The following COL3A1 variants were observed in gnomAD, a reference collection of about 807,000 sequenced individuals.
COL3A1 encodes the protein collagen type III alpha 1 chain, also known as collagen alpha-1(III) chain.
Under a neutral mutation model 200.9 loss-of-function variants are expected in COL3A1, and 46 were observed. That is an observed-to-expected ratio of 0.23 (90% CI 0.18 to 0.29). COL3A1 has a LOEUF of 0.29. COL3A1 is among the 10% of genes least tolerant of loss of function. The pLI, the probability that COL3A1 is intolerant of heterozygous loss-of-function variation, is 1.00. For synonymous variants in COL3A1, 650 were observed against 628.0 expected, an observed-to-expected ratio of 1.03 and a Z score of -0.52; for missense variants, 1,367 against 1,917.6, an observed-to-expected ratio of 0.71 and a Z score of 5.36.
At chr2:188,983,076 A>G (rs891319065) in intron 1 of COL3A1, among the ~76,000 whole-genome samples, 2 of 151,968 alleles carry the variant, frequency 1.3e-5, no homozygotes. Flanking sequence ...GCATTTTGGT[A>G]TTCAGCTTTT....
rs1687866506 is a variant in COL3A1 at position 188,978,197 on chromosome 2, CA to C, written c.79+3630del. The C allele has an allele frequency of 1.6e-5, 3 of 187,254 alleles. No homozygotes were observed. In the South Asian group the frequency reaches 3.0e-4, roughly 19 times the overall value. The allele number at this position is 187,254 out of a possible 1,614,324, so 11.6% of individuals were successfully genotyped here. A position where few individuals can be genotyped will look rare whatever the true frequency, so the allele number is the denominator to read the frequency against. ...TATTAAATTCTGGAATTAAACATTT[CA>C]GCATTACAAGAAAAGAAAGCAAATC... On this transcript the variant is annotated intron_variant, in intron 1 of 50. Transcript: ENST00000304636.
intron 1 of COL3A1, among the ~76,000 whole-genome samples, chr2:188,978,721 C>G (rs1687880494): frequency 6.9e-6 from 1 of 145,602 alleles, no homozygotes; most frequent in Non-Finnish European, 1.5e-5. Flanking sequence ...AAAGTTTTCC[C>G]TAAGATAAAA....
rs755274614 is a variant in COL3A1 at position 189,003,499 on chromosome 2, CATTA to C, written c.2607+39_2607+42del. 2.7e-5 allele frequency: 43 copies of C among 1,590,428 alleles called. No individual in the cohort carries two copies. In the South Asian group the frequency reaches 4.4e-4, roughly 16 times the overall value. ...GATCCTCTTAACTATTATTGAAAAG[CATTA>C]ATTGATATCAACCTGTATAAAAGCT... is the stretch of plus-strand genomic sequence containing the variant. On this transcript the variant is annotated intron_variant, in intron 37 of 50. Coordinates refer to ENST00000304636, the MANE Select transcript of COL3A1 (RefSeq NM_000090.4).
chr2:189,011,761 T>C lies in COL3A1; in HGVS notation c.4388T>C (p.Val1463Ala). The C allele has an allele frequency of 2.5e-6, 4 of 1,613,956 alleles. No homozygotes were observed. Among genetic ancestry groups the C allele is most frequent in the Non-Finnish European group, 3.4e-6 (4 of 1,179,854 alleles). The change falls in exon 51 of 51, where the codon GTT (valine) becomes GCT (alanine). Residue 1463 changes from valine to alanine, a missense_variant. Val to Ala is a moderately conservative substitution (Grantham distance 64). Around this residue, in one of 5 missense-constraint regions of COL3A1, gnomAD observed 846 missense variants for 1,147.9 expected, o/e 0.74. Transcript: ENST00000304636. ...DQEFGVDVGPVCFL is the reference protein window; with the variant it reads ...DQEFGVDVGPACFL Reference sequence around the variant, plus strand: ...GAATTTGGTGTGGACGTTGGCCCTGTTTGCTTTTTATAAACCAAACTCTAT... The same window carrying C: ...GAATTTGGTGTGGACGTTGGCCCTGCTTGCTTTTTATAAACCAAACTCTAT...
Position 189,008,974 on chromosome 2 carries a change from C to T in COL3A1, c.3576C>T (p.Ala1192=), listed in dbSNP as rs574331101. 39 of 1,614,008 alleles carry T rather than the reference C, an allele frequency of 2.4e-5. 1 individual carries two copies. The highest frequency in any genetic ancestry group is 3.1e-5 in the Non-Finnish European group (36 of 1,180,020). The change falls in exon 48 of 51, where the codon GCC becomes GCT. Residue 1192 remains alanine, a synonymous_variant. Coordinates refer to ENST00000304636, the MANE Select transcript of COL3A1 (RefSeq NM_000090.4). ...CAGGCCCTCCTGGACCTCCTGGTGC[C>T]CCTGGTCCTTGCTGTGGTGGTGTTG... ...GQPGPPGPPG[A]PGPCCGGVGA... is the part of the protein sequence containing the mutation.
chr2:188,994,512 G>A lies in COL3A1; in HGVS notation c.1294-29G>A, dbSNP rs777089460. The A allele has an allele frequency of 1.2e-6, 2 of 1,613,524 alleles. No individual in the cohort carries two copies. Among genetic ancestry groups the A allele is most frequent in the Non-Finnish European group, 1.7e-6 (2 of 1,179,492 alleles). On this transcript the variant is annotated intron_variant, in intron 18 of 50. Transcript: ENST00000304636. The surrounding 1 kb of genome is among the most constrained non-coding windows in gnomAD (Gnocchi z 4.5). Reference sequence around the variant, plus strand: ...GATTTGTTAGTCGAATCCTCCCTGTGTTTCAACCAAGACTTTGTTATACTT... The same window carrying A: ...GATTTGTTAGTCGAATCCTCCCTGTATTTCAACCAAGACTTTGTTATACTT...
Position 189,003,419 on chromosome 2 carries a change from T to C in COL3A1, c.2562T>C (p.Pro854=). The C allele has an allele frequency of 6.2e-7, 1 of 1,613,998 alleles. No individual in the cohort carries two copies. Among genetic ancestry groups the C allele is most frequent in the Non-Finnish European group, 8.5e-7 (1 of 1,179,902 alleles). Residue 854 remains proline (P), a synonymous_variant, in exon 37 of 51, where the codon CCT becomes CCC. Coordinates refer to ENST00000304636, the MANE Select transcript of COL3A1 (RefSeq NM_000090.4). The part of the protein sequence containing the change: ...PPGGSGPAGP[P]GPQGVKGERG... ...CCTTCCATTTCATATAGGGTCCTCC[T>C]GGTCCCCAAGGTGTCAAAGGTGAAC... is the stretch of plus-strand genomic sequence containing the variant.
intron 8 of COL3A1, among the ~76,000 whole-genome samples, chr2:188,989,680 C>A (rs763191944): frequency 6.6e-6 from 1 of 152,028 alleles, no homozygotes; most frequent in Non-Finnish European, 1.5e-5. Context: ...TTTTTGACTG[C>A]GGAGAAGACT....
At chr2:189,011,450 ATTGT>A (rs1688722242) in intron 50 of COL3A1, among the ~76,000 whole-genome samples, 174 bp from the exon 51 acceptor site, 1 of 152,214 alleles carries the variant, frequency 6.6e-6, no homozygotes, top group South Asian at 2.1e-4. Flanking sequence ...GTTTAAGAAT[ATTGT>A]TTATCAACTA....
rs2153502834 is a variant in COL3A1, at chr2:188,997,682, A to G, written c.1870-18A>G. 7 of 1,609,942 alleles carry G rather than the reference A, an allele frequency of 4.3e-6. No homozygotes were observed. Among genetic ancestry groups the G allele is most frequent in the East Asian group, 2.2e-5 (1 of 44,854 alleles). On this transcript the variant is annotated intron_variant, in intron 26 of 50. Coordinates refer to ENST00000304636, the MANE Select transcript of COL3A1 (RefSeq NM_000090.4). ...TAAAAGGATGTTTACAACAGAGTGT[A>G]TCATTATACTTTTCTAGGGGCCTGG...
At chr2:188,995,977 G>A in intron 22 of COL3A1, 148 bp from the exon 23 acceptor site, 1 of 903,510 alleles carries the variant, frequency 1.1e-6, no homozygotes, top group African/African-American at 1.7e-5. Context: ...TAGAACACTT[G>A]CCTTAGATAC....
intron 35 of COL3A1, 132 bp from the exon 36 acceptor site, chr2:189,002,823 G>A (rs1688496848): frequency 1.7e-5 from 13 of 757,144 alleles, no homozygotes; most frequent in Non-Finnish European, 2.8e-5. Flanking sequence ...CATGTCTTCA[G>A]AAAGCCTTGT....
intron 50 of COL3A1, among the ~76,000 whole-genome samples, chr2:189,011,400 T>C (rs1442207652): frequency 2.0e-5 from 3 of 152,204 alleles, no homozygotes; most frequent in Non-Finnish European, 4.4e-5. Flanking sequence ...TCTATAGCAA[T>C]TGCCCTGCTG....
At chr2:189,004,808 A>G (rs1350137159) in intron 40 of COL3A1, among the ~76,000 whole-genome samples, 2 of 152,212 alleles carry the variant, frequency 1.3e-5, no homozygotes, top group African/African-American at 4.8e-5. Flanking sequence ...AGTGCTTAGC[A>G]TCTAAAACAT....
intron 24 of COL3A1, 66 bp downstream of exon 24, chr2:188,996,562 TAA>T: frequency 1.5e-6 from 2 of 1,342,244 alleles, no homozygotes; most frequent in Non-Finnish European, 2.1e-6. Context: ...CCATATGGAG[TAA>T]AGAAATGGTC....
At position 188,994,354 on chromosome 2, in the gene COL3A1, C is replaced by T. The variant is rs182159384; in HGVS notation, c.1293+22C>T. ...TGCAGTAAGTTGCCTTGTTTTTTCT[C>T]TGTTGACTGAAAGGTATAGTTTAAT... is the stretch of plus-strand genomic sequence containing the variant. On this transcript the variant is annotated intron_variant, in intron 18 of 50. Transcript: ENST00000304636. The surrounding 1 kb of genome is among the most constrained non-coding windows in gnomAD (Gnocchi z 4.5). 1,301 of 1,612,502 alleles carry T rather than the reference C, an allele frequency of 8.1e-4. 2 individuals carry two copies. The highest frequency in any genetic ancestry group is 7.1e-3 in the African/African-American group (532 of 74,968).
intron 1 of COL3A1, among the ~76,000 whole-genome samples, chr2:188,982,628 C>T (rs192160090): frequency 3.2e-4 from 49 of 151,816 alleles, no homozygotes; most frequent in African/African-American, 1.2e-3. Flanking sequence ...ATGCCTGATC[C>T]AGAGGCAATG....
intron 4 of COL3A1, 32 bp from the exon 5 acceptor site, chr2:188,987,027 A>C (rs778696494): frequency 6.4e-7 from 1 of 1,566,828 alleles, no homozygotes; most frequent in East Asian, 2.2e-5. Flanking sequence ...TGTCTGTTAA[A>C]ATGATCATAT....
In COL3A1 at chr2:188,999,389, T is replaced by G; in HGVS notation, c.2121+6T>G. On this transcript the variant is annotated splice_donor_region_variant and intron_variant, in intron 30 of 50. Transcript: ENST00000304636. Reference sequence around the variant, plus strand: ...CTGGTCCCGAAGGAGGAAAGGTAACTCCACAGCATTCCATTCACCTAGGTT... The same window carrying G: ...CTGGTCCCGAAGGAGGAAAGGTAACGCCACAGCATTCCATTCACCTAGGTT... 1.2e-6 allele frequency: 2 copies of G among 1,613,160 alleles called. No homozygotes were observed. Among genetic ancestry groups the G allele is most frequent in the Non-Finnish European group, 1.7e-6 (2 of 1,179,492 alleles).
Sources: gnomAD v4.1 joint callset for allele counts (sites outside exome capture counted in the v4.1 genomes callset) on GRCh38, gnomAD v4.1.1 for gene constraint, gnomAD v4.1.1 regional missense constraint, Gnocchi (gnomAD v3.1) non-coding constraint, MANE v1.5 for transcripts, NCBI Gene and HGNC (gene_info 2026-07-23, HGNC 2026-07-21) for gene names.